The following ADAM22 variants were observed in gnomAD, a reference collection of about 807,000 sequenced individuals.
ADAM22 encodes the protein ADAM metallopeptidase domain 22, also known as disintegrin and metalloproteinase domain-containing protein 22.
In ADAM22, 65 loss-of-function variants were observed where a neutral mutation model predicts 144.6. That is an observed-to-expected ratio of 0.45 (90% CI 0.37 to 0.55). The LOEUF is 0.55. Ranked by LOEUF, ADAM22 falls within the 20% of genes least tolerant of loss-of-function variation. ADAM22 has a pLI of 0.00. For synonymous variants in ADAM22, 391 were observed against 412.6 expected, an observed-to-expected ratio of 0.95 and a Z score of 0.63; for missense variants, 974 against 1,184.9, an observed-to-expected ratio of 0.82 and a Z score of 2.61.
intron 4 of ADAM22, among the ~76,000 whole-genome samples, chr7:88,087,190 A>G (rs1818660910): frequency 6.6e-6 from 1 of 152,210 alleles, no homozygotes; most frequent in African/African-American, 2.4e-5. Context: ...ACATTCTATA[A>G]TATGTAAAAT....
chr7:87,989,305 G>A (rs1789199941), intron 3 of ADAM22, among the ~76,000 whole-genome samples: 1 of 152,086 alleles, frequency 6.6e-6, no homozygotes. Context: ...TTTTTATCCT[G>A]ACTCATTTTT....
At chr7:88,133,504 A>G (rs770701549) in intron 12 of ADAM22, among the ~76,000 whole-genome samples, 7 of 152,138 alleles carry the variant, frequency 4.6e-5, no homozygotes, top group Non-Finnish European at 1.0e-4. Flanking sequence ...TATTCATGTT[A>G]TGCTTGGAAT....
chr7:88,075,875 A>G, intron 4 of ADAM22, among the ~76,000 whole-genome samples, 183 bp downstream of exon 4: 1 of 152,180 alleles, frequency 6.6e-6, no homozygotes, highest in East Asian at 1.9e-4. Context: ...TATCAGAAAA[A>G]GAATTTTTAG....
At chr7:88,107,623 T>C (rs1456271828) in intron 4 of ADAM22, among the ~76,000 whole-genome samples, 1 of 152,164 alleles carries the variant, frequency 6.6e-6, no homozygotes, top group East Asian at 1.9e-4. Context: ...TTCACTCTTT[T>C]TGTCCAGGCT....
intron 3 of ADAM22, among the ~76,000 whole-genome samples, chr7:88,042,597 A>G (rs1252643518): frequency 6.6e-6 from 1 of 151,956 alleles, no homozygotes; most frequent in Non-Finnish European, 1.5e-5. Context: ...ACCTTTACTC[A>G]CATGCACATT....
intron 29 of ADAM22, among the ~76,000 whole-genome samples, chr7:88,185,073 T>C (rs1188654356): frequency 6.6e-6 from 1 of 152,232 alleles, no homozygotes; most frequent in Non-Finnish European, 1.5e-5. Flanking sequence ...CTAGCCTTCA[T>C]TTGTGGCTGC....
intron 3 of ADAM22, among the ~76,000 whole-genome samples, chr7:88,030,177 A>G (rs1261233177): frequency 6.6e-6 from 1 of 151,908 alleles, no homozygotes; most frequent in East Asian, 1.9e-4. Flanking sequence ...TTTTTTAAAA[A>G]TTTGTCTCCT....
At chr7:87,997,216 A>G (rs1007094195) in intron 3 of ADAM22, among the ~76,000 whole-genome samples, 5 of 152,246 alleles carry the variant, frequency 3.3e-5, no homozygotes, top group Non-Finnish European at 5.9e-5. Context: ...TATTTAAAAA[A>G]CAGAAATAAA....
intron 26 of ADAM22, among the ~76,000 whole-genome samples, chr7:88,172,287 A>G (rs1178303690): frequency 1.3e-5 from 2 of 151,924 alleles, no homozygotes; most frequent in Non-Finnish European, 2.9e-5. Flanking sequence ...ATTAGCACAT[A>G]ATATTGGAAT....
At chr7:88,061,948 T>A (rs1239733637) in intron 3 of ADAM22, among the ~76,000 whole-genome samples, 1 of 147,556 alleles carries the variant, frequency 6.8e-6, no homozygotes, top group Non-Finnish European at 1.5e-5. Context: ...GCTGAAGTAA[T>A]CAACCTGCCT....
chr7:88,080,047 C>A (rs189816819), intron 4 of ADAM22, among the ~76,000 whole-genome samples: 5 of 152,282 alleles, frequency 3.3e-5, no homozygotes, highest in African/African-American at 1.2e-4. Flanking sequence ...AATATACATT[C>A]TTTTCAGCAC....
intron 2 of ADAM22, among the ~76,000 whole-genome samples, chr7:87,969,001 T>G (rs1849802619): frequency 1.3e-5 from 2 of 152,112 alleles, no homozygotes; most frequent in Non-Finnish European, 2.9e-5. Context: ...TCCTGAGAAC[T>G]CACTCACTAT....
At chr7:88,171,666 G>T (rs1450341650) in intron 26 of ADAM22, 105 bp downstream of exon 26, 1 of 1,044,782 alleles carries the variant, frequency 9.6e-7, no homozygotes, top group Non-Finnish European at 1.4e-6. Flanking sequence ...TTGTTTTTAT[G>T]TATAATAATC....
At chr7:87,985,008 T>C (rs971152946) in intron 3 of ADAM22, among the ~76,000 whole-genome samples, 1 of 152,112 alleles carries the variant, frequency 6.6e-6, no homozygotes, top group Non-Finnish European at 1.5e-5. Context: ...AAAGTCTTTT[T>C]TTTTTTTTTT....
chr7:88,029,093 A>T (rs745515746), intron 3 of ADAM22, among the ~76,000 whole-genome samples: 2 of 151,878 alleles, frequency 1.3e-5, no homozygotes, highest in Non-Finnish European at 2.9e-5. Context: ...ATTCAATGTT[A>T]TTATTGATAA....
chr7:88,193,011 A>G, intron 30 of ADAM22, 105 bp from the exon 31 acceptor site: 1 of 1,341,974 alleles, frequency 7.5e-7, no homozygotes, highest in South Asian at 1.4e-5. Flanking sequence ...CAGTAGTGGT[A>G]TATGAAAGTT....
In ADAM22 at chr7:87,935,082, C is replaced by T; in HGVS notation, c.142C>T (p.Gln48Ter). 1 of 1,614,156 alleles carries T rather than the reference C, an allele frequency of 6.2e-7. No homozygotes were observed. Among genetic ancestry groups the T allele is most frequent in the Non-Finnish European group, 8.5e-7 (1 of 1,180,030 alleles). ...GAAGGAAAACCGCTTCGTGGAGCGC[C>T]AGAGCATCGTGCCACTGCGCCTCAT... Reference protein sequence around the residue: ...KRKENRFVERQSIVPLRLIYR... With the variant: ...KRKENRFVER The change falls in exon 2 of 32, where the codon CAG becomes TAG. Residue 48 changes from glutamine to a stop codon, truncating the protein, a stop_gained. Transcript: ENST00000413139. LOFTEE classifies it high-confidence loss of function.
chr7:88,049,971 A>G (rs897942167), intron 3 of ADAM22, among the ~76,000 whole-genome samples: 3 of 152,072 alleles, frequency 2.0e-5, no homozygotes, highest in Admixed American at 1.3e-4. Flanking sequence ...ATGTCAACTC[A>G]GAAATCAAAG....
intron 25 of ADAM22, 25 bp from the exon 26 acceptor site, chr7:88,171,517 CCT>C (rs1243650007): frequency 6.3e-7 from 1 of 1,581,612 alleles, no homozygotes; most frequent in Non-Finnish European, 8.6e-7. Context: ...TATGTTTTTC[CCT>C]CTTTCTCTTC....
Sources: gnomAD v4.1 joint callset for allele counts (sites outside exome capture counted in the v4.1 genomes callset) on GRCh38, gnomAD v4.1.1 for gene constraint, MANE v1.5 for transcripts, NCBI Gene and HGNC (gene_info 2026-07-23, HGNC 2026-07-21) for gene names.